POU2F1: variants seen among roughly 807,000 people sequenced by gnomAD.
POU2F1 encodes POU class 2 homeobox 1, also known as POU domain, class 2, transcription factor 1.
A neutral mutation model predicts 84.9 loss-of-function variants in POU2F1; 16 were observed. The ratio of observed to expected loss-of-function variants is 0.19; its 90% CI spans 0.13 to 0.29. The LOEUF (loss-of-function observed/expected upper bound fraction) is 0.29, where lower values mean the gene tolerates loss of function less well. Ranked by LOEUF, POU2F1 falls within the 10% of genes least tolerant of loss-of-function variation. The pLI, the probability that POU2F1 is intolerant of heterozygous loss-of-function variation, is 1.00. For synonymous variants in POU2F1, 368 were observed against 368.3 expected (o/e 1.00, Z 0.01); for missense variants, 738 against 942.6 (o/e 0.78, Z 2.84).
At chr1:167,384,087 C>A in intron 8 of POU2F1, 136 bp downstream of exon 8, 1 of 661,798 alleles carries the variant, frequency 1.5e-6, no homozygotes, top group Non-Finnish European at 2.5e-6. Context: ...CAAAGCTAGG[C>A]TTATCAGCTC....
intron 1 of POU2F1, among the ~76,000 whole-genome samples, chr1:167,294,157 G>A (rs767409868): frequency 5.0e-5 from 6 of 120,794 alleles, no homozygotes; most frequent in East Asian, 2.3e-4. Context: ...GTGAAACCCC[G>A]TCTCTACTAA....
chr1:167,348,057 G>T (rs1009391002), intron 2 of POU2F1, among the ~76,000 whole-genome samples: 3 of 152,156 alleles, frequency 2.0e-5, no homozygotes, highest in African/African-American at 7.2e-5. Context: ...ATATAGTCAT[G>T]CATAACGTCA....
At chr1:167,264,734 AT>A (rs1196297563) in intron 1 of POU2F1, among the ~76,000 whole-genome samples, 2 of 152,028 alleles carry the variant, frequency 1.3e-5, no homozygotes, top group Non-Finnish European at 2.9e-5. Flanking sequence ...TTCTTAAGAA[AT>A]TTTTTTAAAA....
chr1:167,272,300 CTTT>C (rs35886551), intron 1 of POU2F1, among the ~76,000 whole-genome samples: 1 of 122,586 alleles, frequency 8.2e-6, no homozygotes, highest in Non-Finnish European at 1.7e-5. Flanking sequence ...TAAATATTAC[CTTT>C]TTTTTTTTTT....
intron 1 of POU2F1, among the ~76,000 whole-genome samples, chr1:167,322,680 T>TA (rs1161594336): frequency 6.6e-6 from 1 of 151,986 alleles, no homozygotes; most frequent in Non-Finnish European, 1.5e-5. Context: ...CACAGAAATA[T>TA]AGAGTGCAGA....
At chr1:167,365,732 T>A (rs1659646693) in intron 3 of POU2F1, among the ~76,000 whole-genome samples, 165 bp downstream of exon 3, 1 of 152,194 alleles carries the variant, frequency 6.6e-6, no homozygotes, top group Non-Finnish European at 1.5e-5. Context: ...ATCCTATGGT[T>A]TAGTTGAGTG....
At chr1:167,414,274 T>G in intron 15 of POU2F1, 1 of 963,242 alleles carries the variant, frequency 1.0e-6, no homozygotes, top group African/African-American at 1.8e-5. Flanking sequence ...CTTTTTCTTC[T>G]GCTTTATTGA....
chr1:167,232,392 T>C (rs1461041591), intron 1 of POU2F1, among the ~76,000 whole-genome samples: 2 of 152,182 alleles, frequency 1.3e-5, no homozygotes, highest in Non-Finnish European at 2.9e-5. Context: ...GTGTCTTAGT[T>C]GTTAACAAAA....
intron 1 of POU2F1, among the ~76,000 whole-genome samples, chr1:167,247,343 C>G (rs1204123474): frequency 6.6e-6 from 1 of 152,124 alleles, no homozygotes; most frequent in Non-Finnish European, 1.5e-5. Context: ...TGTGGGATTA[C>G]AAGTGTGACC....
intron 13 of POU2F1, among the ~76,000 whole-genome samples, chr1:167,404,936 G>A (rs1484015588): frequency 6.6e-6 from 1 of 152,112 alleles, no homozygotes; most frequent in African/African-American, 2.4e-5. Context: ...ATTTGGAATA[G>A]GATTTTAGAA....
chr1:167,237,744 GTGTATA>G (rs1403221379), intron 1 of POU2F1, among the ~76,000 whole-genome samples: 83 of 18,496 alleles, frequency 4.5e-3, no homozygotes, highest in African/African-American at 7.9e-3. Flanking sequence ...ATATGTGTGT[GTGTATA>G]TATATATATA....
At chr1:167,237,763 TATATATA>T (rs1237715666) in intron 1 of POU2F1, among the ~76,000 whole-genome samples, 1,062 of 41,210 alleles carry the variant, frequency 0.026, 84 homozygotes, top group Middle Eastern at 0.033. Context: ...TATATATATA[TATATATA>T]TATTTTTTTT....
intron 1 of POU2F1, among the ~76,000 whole-genome samples, chr1:167,268,301 C>T (rs944546713): frequency 2.0e-5 from 3 of 152,178 alleles, no homozygotes; most frequent in African/African-American, 7.2e-5. Flanking sequence ...TACTTTCCAA[C>T]TCCCTTAAAA....
rs1395773122 is a variant in POU2F1, at chr1:167,415,751, A to C, written c.2242A>C (p.Thr748Pro). 2 of 1,614,088 alleles carry C rather than the reference A, an allele frequency of 1.2e-6. No individual in the cohort carries two copies. The highest frequency in any genetic ancestry group is 1.7e-6 in the Non-Finnish European group (2 of 1,180,002). The change falls in exon 16 of 16, where the codon ACA becomes CCA. Residue 748 changes from threonine to proline, a missense_variant. Transcript: ENST00000367866. ...SAESIQNSLF[T>P]VASASGAAST... is the part of the protein sequence containing the mutation. ...TGAGTCCATCCAGAACTCTCTCTTC[A>C]CAGTGGCCTCTGCCAGCGGGGCTGC...
chr1:167,338,801 T>A (rs963161199), intron 2 of POU2F1, among the ~76,000 whole-genome samples: 2 of 152,252 alleles, frequency 1.3e-5, no homozygotes, highest in Non-Finnish European at 2.9e-5. Context: ...ACATTTTGTT[T>A]ATGCATTCAT....
At chr1:167,279,243 TAAAG>T (rs1652951123) in intron 1 of POU2F1, among the ~76,000 whole-genome samples, 1 of 152,236 alleles carries the variant, frequency 6.6e-6, no homozygotes, top group Admixed American at 6.5e-5. Flanking sequence ...TTAACATGGA[TAAAG>T]AAATTCAGTC....
At chr1:167,367,794 A>C (rs533081507) in intron 3 of POU2F1, among the ~76,000 whole-genome samples, 1 of 147,516 alleles carries the variant, frequency 6.8e-6, no homozygotes, top group African/African-American at 2.5e-5. Context: ...ACACGTACAA[A>C]TTTTTTTTTT....
intron 1 of POU2F1, among the ~76,000 whole-genome samples, chr1:167,313,929 T>C (rs1176151532): frequency 6.6e-6 from 1 of 152,210 alleles, no homozygotes; most frequent in Middle Eastern, 3.2e-3. Flanking sequence ...TTTGGATTTT[T>C]TTAGAACACC....
rs138517237 is a variant in POU2F1 at position 167,300,526 on chromosome 1, G to A, written c.62-31944G>A. On this transcript the variant is annotated intron_variant, in intron 1 of 15. Transcript: ENST00000367866. ...TGTCGCCAGGCCAGAGTGTAGTGGC[G>A]CGATCTCAGCTTACTGCAACCTCCG... Among the ~76,000 whole-genome samples, 669 of 152,176 alleles carry A rather than the reference G, an allele frequency of 4.4e-3. 12 individuals are homozygous for A. Among genetic ancestry groups the A allele is most frequent in the African/African-American group, 0.016 (652 of 41,498 alleles).
Sources: gnomAD v4.1 joint callset for allele counts (sites outside exome capture counted in the v4.1 genomes callset) on GRCh38, gnomAD v4.1.1 for gene constraint, MANE v1.5 for transcripts, NCBI Gene and HGNC (gene_info 2026-07-23, HGNC 2026-07-21) for gene names.